The following ATP8A1 variants were observed in gnomAD, a reference collection of about 807,000 sequenced individuals.
The protein encoded by ATP8A1 is phospholipid-transporting ATPase IA.
A neutral mutation model predicts 177.7 loss-of-function variants in ATP8A1; 90 were observed. The observed-to-expected ratio is 0.51, with a 90% CI of 0.43 to 0.60. The LOEUF (loss-of-function observed/expected upper bound fraction) is 0.60. Among genes scored for constraint, ATP8A1 ranks in the 20% least tolerant of loss-of-function variants. The pLI is 0.00. For synonymous variants in ATP8A1, 493 were observed against 485.9 expected (o/e 1.01, Z -0.19); for missense variants, 1,072 against 1,392.8 (o/e 0.77, Z 3.67).
chr4:42,551,155 G>T (rs759152581), intron 18 of ATP8A1, 43 bp downstream of exon 18: 11 of 1,473,974 alleles, frequency 7.5e-6, no homozygotes, highest in East Asian at 2.3e-5. Context: ...CTATGCAAAT[G>T]TATTACTTGG....
chr4:42,646,904 A>C lies in ATP8A1; in HGVS notation c.49+9921T>G, dbSNP rs140048066. Among the ~76,000 whole-genome samples, 469 of 152,346 alleles carry C rather than the reference A, an allele frequency of 3.1e-3. 3 individuals carry two copies. Among genetic ancestry groups the C allele is most frequent in the African/African-American group, 0.011 (441 of 41,580 alleles). On this transcript the variant is annotated intron_variant, in intron 1 of 36. Coordinates refer to ENST00000381668, the MANE Select transcript of ATP8A1 (RefSeq NM_006095.2). The stretch of plus-strand genomic sequence containing the variant: ...TTCTATACAGTTGTCCCTTTAGCAC[A>C]AGTGATGGTGATATTGTACATAAAA...
rs547706111 is a variant in ATP8A1 at position 42,522,470 on chromosome 4, G to A, written c.1808-171C>T. 2.1e-4 allele frequency among the ~76,000 whole-genome samples: 32 copies of A among 152,258 alleles called. 1 individual carries two copies. Among genetic ancestry groups the A allele is most frequent in the African/African-American group, 7.5e-4 (31 of 41,546 alleles). On this transcript the variant is annotated intron_variant, in intron 21 of 36. Coordinates refer to ENST00000381668, the MANE Select transcript of ATP8A1 (RefSeq NM_006095.2). ...AACTTAGTATAAAATGTAGATTAAT[G>A]TTCCCCTGGTCTTTAAAATTGGTAC...
chr4:42,630,521 CTTCT>C (rs907560720), intron 1 of ATP8A1, among the ~76,000 whole-genome samples: 83 of 152,174 alleles, frequency 5.5e-4, no homozygotes, highest in African/African-American at 1.6e-3. Flanking sequence ...CTTCAGAAGC[CTTCT>C]TTGTCTGTAA....
chr4:42,412,852 T>C lies in ATP8A1; in HGVS notation c.*64A>G. 2 of 1,407,996 alleles carry C rather than the reference T, an allele frequency of 1.4e-6. No individual in the cohort carries two copies. Among genetic ancestry groups the C allele is most frequent in the South Asian group, 2.4e-5 (2 of 84,948 alleles). The allele number at this position is 1,407,996 out of a possible 1,614,324, so 87.2% of individuals were successfully genotyped here. ...ACCAGACTGGAATTGGTTAGCAGAC[T>C]GCGGTGACAACCTGGTAGCTCTCCT... On this transcript the variant is annotated 3_prime_UTR_variant, in exon 37 of 37. Coordinates refer to ENST00000381668, the MANE Select transcript of ATP8A1 (RefSeq NM_006095.2).
chr4:42,481,498 G>C (rs1721667356), intron 25 of ATP8A1, among the ~76,000 whole-genome samples: 1 of 152,216 alleles, frequency 6.6e-6, no homozygotes, highest in South Asian at 2.1e-4. Flanking sequence ...AGTAGAGCTA[G>C]AACAAGCATT....
At chr4:42,417,362 T>C (rs1713360021) in intron 35 of ATP8A1, among the ~76,000 whole-genome samples, 1 of 152,010 alleles carries the variant, frequency 6.6e-6, no homozygotes, top group African/African-American at 2.4e-5. Context: ...TAAAGATACC[T>C]TCTCACTAAA....
At chr4:42,454,333 C>G (rs575606713) in intron 29 of ATP8A1, among the ~76,000 whole-genome samples, 2 of 152,278 alleles carry the variant, frequency 1.3e-5, no homozygotes, top group South Asian at 4.1e-4. Flanking sequence ...CATTGAAAAG[C>G]TTTATGAATT....
chr4:42,486,996 T>C (rs1722262494), intron 24 of ATP8A1, among the ~76,000 whole-genome samples: 2 of 152,240 alleles, frequency 1.3e-5, no homozygotes, highest in African/African-American at 4.8e-5. Context: ...TTAAATAATT[T>C]ACAGGCATTC....
Position 42,652,998 on chromosome 4 carries a change from G to T in ATP8A1, c.49+3827C>A, listed in dbSNP as rs62303579. 6.7e-3 allele frequency among the ~76,000 whole-genome samples: 530 copies of T among 78,582 alleles called. 36 individuals are homozygous for T. Among genetic ancestry groups the T allele is most frequent in the Non-Finnish European group, 0.012 (330 of 27,028 alleles). 51.6% of individuals were successfully genotyped at this position (78,582 alleles called of 152,430 possible). A position where few individuals can be genotyped will look rare whatever the true frequency, so the allele number is the denominator to read the frequency against. ...GAAACTGAGTCCATTAAACCTCTTT[G>T]TCTTTATAAATTACCCAGTCTTGGG... On this transcript the variant is annotated intron_variant, in intron 1 of 36. Transcript: ENST00000381668.
intron 27 of ATP8A1, among the ~76,000 whole-genome samples, chr4:42,460,326 T>G (rs1718973828): frequency 6.6e-6 from 1 of 151,690 alleles, no homozygotes; most frequent in African/African-American, 2.4e-5. Context: ...TTTATACTGT[T>G]ACTTCTCAGA....
At chr4:42,532,303 G>C (rs1342977533) in intron 20 of ATP8A1, among the ~76,000 whole-genome samples, 1 of 152,046 alleles carries the variant, frequency 6.6e-6, no homozygotes, top group Non-Finnish European at 1.5e-5. Context: ...TGGCCAACAT[G>C]GTGAGACCCT....
At chr4:42,609,900 A>G (rs1478673442) in intron 5 of ATP8A1, among the ~76,000 whole-genome samples, 1 of 152,022 alleles carries the variant, frequency 6.6e-6, no homozygotes, top group African/African-American at 2.4e-5. Context: ...GACTCCGAAA[A>G]ATGACCCTAA....
At chr4:42,572,798 T>C (rs1055972877) in intron 14 of ATP8A1, among the ~76,000 whole-genome samples, 1 of 152,222 alleles carries the variant, frequency 6.6e-6, no homozygotes, top group African/African-American at 2.4e-5. Flanking sequence ...GGTCTCACTA[T>C]CCACATCTTA....
intron 33 of ATP8A1, among the ~76,000 whole-genome samples, chr4:42,438,585 CT>C (rs1280296173): frequency 6.6e-6 from 1 of 151,936 alleles, no homozygotes; most frequent in East Asian, 1.9e-4. Context: ...ACTCTGGGCA[CT>C]TTTTTAAAGA....
chr4:42,645,128 G>GT (rs1412681362), intron 1 of ATP8A1, among the ~76,000 whole-genome samples: 1 of 152,094 alleles, frequency 6.6e-6, no homozygotes, highest in African/African-American at 2.4e-5. Flanking sequence ...AACTAAATGT[G>GT]TTGTACTCTT....
chr4:42,517,291 C>CAA lies in ATP8A1; in HGVS notation c.1947+4867_1947+4868dup, dbSNP rs34576268. On this transcript the variant is annotated intron_variant, in intron 22 of 36. Transcript: ENST00000381668. Reference sequence around the variant, plus strand: ...CTGGCAACAGAGTGAGACTCCGTCTCAAAAAAAAAAAAAAAAAACAAATTC... The same window carrying CAA: ...CTGGCAACAGAGTGAGACTCCGTCTCAAAAAAAAAAAAAAAAAAAACAAATTC... 3.7e-4 allele frequency among the ~76,000 whole-genome samples: 38 copies of CAA among 102,378 alleles called. 1 individual carries two copies. The South Asian group carries it at 9.7e-3, about 26-fold the overall frequency. 67.2% of individuals were successfully genotyped at this position (102,378 alleles called of 152,430 possible). A position where few individuals can be genotyped will look rare whatever the true frequency, so the allele number is the denominator to read the frequency against.
At chr4:42,632,548 G>A (rs1001244537) in intron 1 of ATP8A1, among the ~76,000 whole-genome samples, 1 of 152,136 alleles carries the variant, frequency 6.6e-6, no homozygotes, top group Non-Finnish European at 1.5e-5. Context: ...TCAGTATAGG[G>A]AATAGTCACA....
intron 24 of ATP8A1, among the ~76,000 whole-genome samples, chr4:42,492,933 G>C (rs918594023): frequency 6.6e-6 from 1 of 152,184 alleles, no homozygotes; most frequent in African/African-American, 2.4e-5. Flanking sequence ...AAATGCAACA[G>C]AATGTTATTA....
At chr4:42,457,749 T>A (rs1468502382) in intron 27 of ATP8A1, among the ~76,000 whole-genome samples, 1 of 152,244 alleles carries the variant, frequency 6.6e-6, no homozygotes, top group African/African-American at 2.4e-5. Flanking sequence ...GCTTGAAATT[T>A]AAGATTCTCC....
Sources: gnomAD v4.1 joint callset for allele counts (sites outside exome capture counted in the v4.1 genomes callset) on GRCh38, gnomAD v4.1.1 for gene constraint, MANE v1.5 for transcripts, NCBI Gene and HGNC (gene_info 2026-07-23, HGNC 2026-07-21) for gene names.